Variants in TYW1 observed in about 807,000 individuals in gnomAD.
TYW1 encodes tRNA-yW synthesizing protein 1 homolog.
In TYW1, 46 loss-of-function variants were observed where a neutral mutation model predicts 96.2. That is an observed-to-expected ratio of 0.48 (90% CI 0.38 to 0.61). The LOEUF (loss-of-function observed/expected upper bound fraction) is 0.61. Among genes scored for constraint, TYW1 ranks in the 20% least tolerant of loss-of-function variants. The pLI, the probability that TYW1 is intolerant of heterozygous loss-of-function variation, is 0.00. For synonymous variants in TYW1, 274 were observed against 323.0 expected, an observed-to-expected ratio of 0.85 and a Z score of 1.63; for missense variants, 684 against 909.6, an observed-to-expected ratio of 0.75 and a Z score of 3.19.
At chr7:67,021,140 G>A (rs527891113) in intron 6 of TYW1, among the ~76,000 whole-genome samples, 9 of 152,278 alleles carry the variant, frequency 5.9e-5, no homozygotes, top group Non-Finnish European at 1.2e-4. Context: ...ATTGTCATAC[G>A]TTGTTCAGAT....
chr7:67,224,836 T>G (rs936047908), intron 15 of TYW1, among the ~76,000 whole-genome samples: 7 of 152,006 alleles, frequency 4.6e-5, no homozygotes, highest in African/African-American at 1.7e-4. Context: ...CTTACAAAAG[T>G]CTATTGGATC....
At chr7:67,209,303 A>G (rs1800918158) in intron 15 of TYW1, among the ~76,000 whole-genome samples, 1 of 152,176 alleles carries the variant, frequency 6.6e-6, no homozygotes, top group Non-Finnish European at 1.5e-5. Flanking sequence ...GGTGGCTGGG[A>G]GAAGGTGGTA....
rs566165274 is a variant in TYW1, at chr7:67,235,324, G to A, written c.1978-2984G>A. ...TTATTTTCTAAATGTATGTAACTGG[G>A]CCAAGTCCATAGTTGTCCCAATTGG... is the stretch of plus-strand genomic sequence containing the variant. On this transcript the variant is annotated intron_variant, in intron 15 of 15. Transcript: ENST00000359626. Among the ~76,000 whole-genome samples the A allele has an allele frequency of 2.6e-5, 4 of 152,254 alleles. No homozygotes were observed. The South Asian group carries it at 8.3e-4, about 32-fold the overall frequency.
chr7:67,183,030 C>G, intron 13 of TYW1, 96 bp from the exon 14 acceptor site: 1 of 1,053,572 alleles, frequency 9.5e-7, no homozygotes, highest in Non-Finnish European at 1.3e-6. Flanking sequence ...TTTGCCTGCC[C>G]TGGGTTCTCT....
chr7:67,073,427 A>G (rs1447516135), intron 10 of TYW1, among the ~76,000 whole-genome samples: 1 of 152,162 alleles, frequency 6.6e-6, no homozygotes, highest in Non-Finnish European at 1.5e-5. Context: ...GCCATGGTCT[A>G]CAGTTACTAT....
intron 7 of TYW1, among the ~76,000 whole-genome samples, chr7:67,025,780 C>T (rs1476008379): frequency 6.6e-6 from 1 of 151,874 alleles, no homozygotes; most frequent in Non-Finnish European, 1.5e-5. Context: ...GTATACTATA[C>T]TATAAAAATA....
chr7:67,133,749 C>T (rs548347937), intron 13 of TYW1, among the ~76,000 whole-genome samples: 1 of 150,016 alleles, frequency 6.7e-6, no homozygotes, highest in Non-Finnish European at 1.5e-5. Context: ...AGTGGGTGAG[C>T]ATTTTGTTGT....
intron 11 of TYW1, among the ~76,000 whole-genome samples, chr7:67,085,550 AC>A (rs1256658596): frequency 6.6e-6 from 1 of 152,020 alleles, no homozygotes; most frequent in Non-Finnish European, 1.5e-5. Context: ...TTTATAAATT[AC>A]CCTGTCTCCG....
chr7:67,232,243 C>A (rs536898635), intron 15 of TYW1, among the ~76,000 whole-genome samples: 17 of 151,320 alleles, frequency 1.1e-4, no homozygotes, highest in African/African-American at 3.4e-4. Flanking sequence ...CTGCCCCCAG[C>A]CTCTTTTTAT....
chr7:67,222,858 C>CTTTCTTTCTTTCTTTTT, intron 15 of TYW1, among the ~76,000 whole-genome samples: 1 of 101,536 alleles, frequency 9.8e-6, no homozygotes, highest in Non-Finnish European at 2.0e-5. Flanking sequence ...TCTCTGTTCG[C>CTTTCTTTCTTTCTTTTT]TTTTTTTCTT....
At chr7:67,163,361 T>C (rs533013180) in intron 13 of TYW1, among the ~76,000 whole-genome samples, 3 of 152,318 alleles carry the variant, frequency 2.0e-5, no homozygotes, top group Admixed American at 2.0e-4. Flanking sequence ...CTGCCAGTGC[T>C]CCGAGCCTCT....
At chr7:67,192,907 G>C (rs1800265305) in intron 14 of TYW1, among the ~76,000 whole-genome samples, 1 of 152,168 alleles carries the variant, frequency 6.6e-6, no homozygotes, top group Non-Finnish European at 1.5e-5. Context: ...GAAGGAAAGG[G>C]GAGATCTGGA....
At chr7:67,235,211 G>A (rs1801846212) in intron 15 of TYW1, among the ~76,000 whole-genome samples, 1 of 152,164 alleles carries the variant, frequency 6.6e-6, no homozygotes, top group Non-Finnish European at 1.5e-5. Context: ...ACAGGGCCAA[G>A]CTTGTGTGAT....
intron 7 of TYW1, among the ~76,000 whole-genome samples, chr7:67,034,149 G>T (rs984315868): frequency 8.7e-5 from 13 of 149,898 alleles, no homozygotes; most frequent in African/African-American, 3.2e-4. Flanking sequence ...TGTTGCCCAG[G>T]CCGGAGTGCA....
At chr7:67,172,970 AATT>A (rs1326652015) in intron 13 of TYW1, among the ~76,000 whole-genome samples, 1 of 151,796 alleles carries the variant, frequency 6.6e-6, no homozygotes, top group African/African-American at 2.4e-5. Flanking sequence ...AAGTAAAAAA[AATT>A]AACTGGGTAT....
chr7:67,060,982 C>G (rs1795677725), intron 9 of TYW1, among the ~76,000 whole-genome samples: 2 of 152,200 alleles, frequency 1.3e-5, no homozygotes, highest in Admixed American at 1.3e-4. Flanking sequence ...AATCCCAGCA[C>G]TTTCAGAGGC....
intron 11 of TYW1, among the ~76,000 whole-genome samples, chr7:67,086,774 C>T (rs1796559999): frequency 1.3e-5 from 2 of 152,166 alleles, no homozygotes; most frequent in Admixed American, 1.3e-4. Context: ...ATCCAAAACA[C>T]CTCCACAGAA....
intron 13 of TYW1, among the ~76,000 whole-genome samples, chr7:67,182,233 T>A (rs1417949863): frequency 2.6e-5 from 4 of 152,326 alleles, no homozygotes; most frequent in African/African-American, 7.2e-5. Context: ...GAGTGTAAGC[T>A]TTTTAAAGGC....
At position 67,166,317 on chromosome 7, in the gene TYW1, A is replaced by G. The variant is rs7458340; in HGVS notation, c.1699-16809A>G. Reference sequence around the variant, plus strand: ...CTCCTCCCAGTACTTTTTATATATAATATATAACATATATAATATATATAA... The same window carrying G: ...CTCCTCCCAGTACTTTTTATATATAGTATATAACATATATAATATATATAA... On this transcript the variant is annotated intron_variant, in intron 13 of 15. Transcript: ENST00000359626. Among the ~76,000 whole-genome samples the G allele has an allele frequency of 1.4e-5, 2 of 140,906 alleles. 1 individual carries two copies. Among genetic ancestry groups the G allele is most frequent in the Non-Finnish European group, 3.1e-5 (2 of 64,888 alleles). 92.4% of individuals were successfully genotyped at this position (140,906 alleles called of 152,430 possible).
Sources: gnomAD v4.1 joint callset for allele counts (sites outside exome capture counted in the v4.1 genomes callset) on GRCh38, gnomAD v4.1.1 for gene constraint, MANE v1.5 for transcripts, NCBI Gene and HGNC (gene_info 2026-07-23, HGNC 2026-07-21) for gene names.